The following LRRC37A2 variants were observed in gnomAD, a reference collection of about 807,000 sequenced individuals.
The protein encoded by LRRC37A2 is leucine-rich repeat-containing protein 37A2.
In LRRC37A2, 9 loss-of-function variants were observed where a neutral mutation model predicts 68.8. The ratio of observed to expected loss-of-function variants is 0.13; its 90% CI spans 0.08 to 0.23. The LOEUF (loss-of-function observed/expected upper bound fraction) is 0.23, where lower values mean the gene tolerates loss of function less well. Among genes scored for constraint, LRRC37A2 ranks in the 10% least tolerant of loss-of-function variants. The pLI, the probability that LRRC37A2 is intolerant of heterozygous loss-of-function variation, is 1.00. For synonymous variants in LRRC37A2, 63 were observed against 367.6 expected (o/e 0.17, Z 9.48); for missense variants, 168 against 950.4 (o/e 0.18, Z 10.82).
the LRRC37A2 span, among the ~76,000 whole-genome samples, chr17:46,804,834 T>C: frequency 3.9e-5 from 6 of 152,116 alleles, no homozygotes; most frequent in African/African-American, 1.4e-4. Flanking sequence ...GTTTGTAAAA[T>C]GGACCAATCA....
intron 8 of LRRC37A2, among the ~76,000 whole-genome samples, chr17:46,541,629 C>T (rs2055338190): frequency 6.6e-6 from 1 of 150,842 alleles, no homozygotes; most frequent in South Asian, 2.1e-4. Flanking sequence ...CCCTCCATAT[C>T]TGCAGGTTCC....
the LRRC37A2 span, among the ~76,000 whole-genome samples, chr17:46,903,205 C>A: frequency 6.6e-6 from 1 of 151,962 alleles, no homozygotes; most frequent in Non-Finnish European, 1.5e-5. Context: ...CGCTTGAACC[C>A]GGGAGGTGGA....
the LRRC37A2 span, among the ~76,000 whole-genome samples, chr17:46,738,977 C>T: frequency 3.5e-5 from 5 of 144,600 alleles, no homozygotes; most frequent in East Asian, 2.0e-4. Flanking sequence ...GGCTCACACC[C>T]GTAATCCCAG....
At chr17:46,923,377 G>C in the LRRC37A2 span, 2 of 1,469,420 alleles carry the variant, frequency 1.4e-6, no homozygotes. Context: ...AATCCTTGGC[G>C]GGACTCCCAG....
chr17:46,458,878 C>G, the LRRC37A2 span, among the ~76,000 whole-genome samples: 1 of 101,416 alleles, frequency 9.9e-6, no homozygotes, highest in Admixed American at 1.0e-4. Flanking sequence ...CTTGTTCATG[C>G]TGGTTTAGAA....
At chr17:46,897,523 G>C in the LRRC37A2 span, among the ~76,000 whole-genome samples, 15 of 152,202 alleles carry the variant, frequency 9.9e-5, no homozygotes, top group African/African-American at 3.4e-4. Context: ...GGGGGCCATA[G>C]AGTCACTGAT....
At chr17:47,002,834 C>A in the LRRC37A2 span, among the ~76,000 whole-genome samples, 5 of 151,890 alleles carry the variant, frequency 3.3e-5, 1 homozygote, top group African/African-American at 2.4e-5. Context: ...TTGCTGAGTT[C>A]TGTTCCATTG....
chr17:47,003,723 CTTT>C, the LRRC37A2 span, among the ~76,000 whole-genome samples: 1 of 149,868 alleles, frequency 6.7e-6, no homozygotes, highest in Non-Finnish European at 1.5e-5. Context: ...CTATATTTGC[CTTT>C]TTTTTTTATT....
At chr17:46,970,755 A>G in the LRRC37A2 span, among the ~76,000 whole-genome samples, 1 of 152,206 alleles carries the variant, frequency 6.6e-6, no homozygotes, top group Non-Finnish European at 1.5e-5. Context: ...TTTGCATAAA[A>G]GAGAACCAGG....
the LRRC37A2 span, among the ~76,000 whole-genome samples, chr17:46,605,995 C>CAAAAAAAAAAAAAAA: frequency 2.0e-5 from 1 of 51,054 alleles, no homozygotes; most frequent in Non-Finnish European, 2.9e-5. Context: ...ACTAAAAATA[C>CAAAAAAAAAAAAAAA]AAAAAAAAAA....
chr17:46,941,261 G>A, the LRRC37A2 span: 2 of 987,008 alleles, frequency 2.0e-6, no homozygotes, highest in Non-Finnish European at 2.4e-6. Flanking sequence ...TACACCCTTT[G>A]CCCTGATGAA....
chr17:46,817,369 C>T, the LRRC37A2 span, among the ~76,000 whole-genome samples: 1 of 152,210 alleles, frequency 6.6e-6, no homozygotes, highest in Non-Finnish European at 1.5e-5. Flanking sequence ...TTCCTCCTCA[C>T]CTCCCCCCGC....
At chr17:46,790,624 C>G in the LRRC37A2 span, among the ~76,000 whole-genome samples, 2 of 152,180 alleles carry the variant, frequency 1.3e-5, no homozygotes, top group African/African-American at 2.4e-5. Context: ...ATCAACCCGT[C>G]CCCTGTTTTC....
chr17:46,871,801 A>C, the LRRC37A2 span, among the ~76,000 whole-genome samples: 1 of 152,142 alleles, frequency 6.6e-6, no homozygotes, highest in Non-Finnish European at 1.5e-5. Flanking sequence ...CAGCTCCTTC[A>C]CCTTCATCTA....
At chr17:46,746,601 T>A in the LRRC37A2 span, among the ~76,000 whole-genome samples, 1,280 of 152,132 alleles carry the variant, frequency 8.4e-3, 11 homozygotes, top group Non-Finnish European at 0.014. Flanking sequence ...GTATTATAAA[T>A]CTAGTGACAT....
the LRRC37A2 span, among the ~76,000 whole-genome samples, chr17:46,831,153 C>A: frequency 6.6e-6 from 1 of 152,308 alleles, no homozygotes; most frequent in Non-Finnish European, 1.5e-5. Flanking sequence ...AACACCGGAA[C>A]ATGGGACAAC....
At chr17:46,848,198 T>C in the LRRC37A2 span, among the ~76,000 whole-genome samples, 2 of 152,180 alleles carry the variant, frequency 1.3e-5, no homozygotes, top group Admixed American at 1.3e-4. Context: ...GGGGTCTGTG[T>C]GTCACCAAAT....
the LRRC37A2 span, among the ~76,000 whole-genome samples, chr17:46,778,453 C>A: frequency 2.0e-5 from 3 of 152,186 alleles, no homozygotes; most frequent in Non-Finnish European, 4.4e-5. Context: ...GGGCCAGTGT[C>A]GGAGACTAAA....
At chr17:47,029,797 G>A in the LRRC37A2 span, among the ~76,000 whole-genome samples, 87,182 of 151,712 alleles carry the variant, frequency 0.57, 25,996 homozygotes, top group South Asian at 0.71. Context: ...GGCCGGGAGC[G>A]GTGGCTCATG....
Sources: gnomAD v4.1 joint callset for allele counts (sites outside exome capture counted in the v4.1 genomes callset) on GRCh38, gnomAD v4.1.1 for gene constraint, MANE v1.5 for transcripts, NCBI Gene and HGNC (gene_info 2026-07-23, HGNC 2026-07-21) for gene names.